Variants in CMIP observed in about 807,000 individuals in gnomAD.
CMIP encodes the protein c-Maf inducing protein.
In CMIP, 13 loss-of-function variants were observed where a neutral mutation model predicts 97.3. The ratio of observed to expected loss-of-function variants is 0.13; its 90% confidence interval spans 0.09 to 0.21. CMIP has a LOEUF of 0.21. Among genes scored for constraint, CMIP ranks in the 10% least tolerant of loss-of-function variants. The probability of loss-of-function intolerance (pLI) is 1.00; values close to 1 mark genes in which losing one functional copy is unlikely to be tolerated. For synonymous variants in CMIP, 538 were observed against 436.3 expected, an observed-to-expected ratio of 1.23 and a Z score of -2.91; for missense variants, 847 against 1,024.9, an observed-to-expected ratio of 0.83 and a Z score of 2.37.
At chr16:81,685,703 C>G (rs1905305736) in intron 10 of CMIP, among the ~76,000 whole-genome samples, 1 of 150,208 alleles carries the variant, frequency 6.7e-6, no homozygotes, top group Non-Finnish European at 1.5e-5. Context: ...CACCACCTGC[C>G]TGGCTTACTT....
chr16:81,485,735 A>C (rs1272300340), intron 1 of CMIP, among the ~76,000 whole-genome samples: 3 of 152,246 alleles, frequency 2.0e-5, no homozygotes, highest in African/African-American at 7.2e-5. Context: ...ATGTGAGTAC[A>C]ATTTTTCATA....
At chr16:81,448,178 A>G (rs1016548172) in intron 1 of CMIP, among the ~76,000 whole-genome samples, 1 of 151,700 alleles carries the variant, frequency 6.6e-6, no homozygotes, top group South Asian at 2.1e-4. Context: ...CTTACTTGAA[A>G]TATCAGTCAT....
chr16:81,523,640 G>A (rs1184811534), intron 1 of CMIP, among the ~76,000 whole-genome samples: 1 of 152,146 alleles, frequency 6.6e-6, no homozygotes, highest in Non-Finnish European at 1.5e-5. Context: ...CCCCCTTCCC[G>A]CGAAAAGCCA....
intron 17 of CMIP, among the ~76,000 whole-genome samples, chr16:81,703,588 T>C (rs1385148959): frequency 6.8e-6 from 1 of 147,870 alleles, no homozygotes; most frequent in Non-Finnish European, 1.5e-5. Flanking sequence ...CACACAGATA[T>C]ACACACATAC....
At chr16:81,588,610 A>T (rs578007975) in intron 1 of CMIP, among the ~76,000 whole-genome samples, 19 of 152,062 alleles carry the variant, frequency 1.2e-4, no homozygotes, top group Non-Finnish European at 2.4e-4. Context: ...AAAACCCAAC[A>T]TCCTCGTTCT....
chr16:81,516,781 C>G (rs1483208779), intron 1 of CMIP, among the ~76,000 whole-genome samples: 1 of 152,240 alleles, frequency 6.6e-6, no homozygotes, highest in Non-Finnish European at 1.5e-5. Flanking sequence ...ATCTAGGCAT[C>G]TGTCCTCAGG....
intron 1 of CMIP, among the ~76,000 whole-genome samples, chr16:81,575,495 A>C (rs2091173262): frequency 6.6e-6 from 1 of 152,184 alleles, no homozygotes; most frequent in Admixed American, 6.5e-5. Context: ...TAGAGCAGTG[A>C]TCCAGGCCCC....
intron 10 of CMIP, among the ~76,000 whole-genome samples, chr16:81,688,276 G>A (rs1197429439): frequency 2.0e-5 from 3 of 152,224 alleles, no homozygotes; most frequent in African/African-American, 7.2e-5. Flanking sequence ...TTTCATGAAA[G>A]GGTTAAGTGA....
At chr16:81,525,279 G>C (rs942945619) in intron 1 of CMIP, among the ~76,000 whole-genome samples, 21 of 151,812 alleles carry the variant, frequency 1.4e-4, no homozygotes, top group African/African-American at 4.8e-4. Flanking sequence ...AAGTAGCTGG[G>C]GTTACAGGCA....
chr16:81,674,218 C>T (rs555049376), intron 9 of CMIP, among the ~76,000 whole-genome samples: 1 of 152,240 alleles, frequency 6.6e-6, no homozygotes, highest in Non-Finnish European at 1.5e-5. Flanking sequence ...CTGCTCATTC[C>T]CAAGGGCATG....
In CMIP at chr16:81,678,646, G is replaced by A. The variant is rs752304291; in HGVS notation, c.1388+18G>A. On this transcript the variant is annotated intron_variant, in intron 10 of 20. Transcript: ENST00000537098. The stretch of plus-strand genomic sequence containing the variant: ...AAGCTGCTGTGAGTGCCCCCCCCGC[G>A]TGCCCGCCCCCGGGGCCGGTGGGAG... The A allele has an allele frequency of 1.7e-5, 22 of 1,274,410 alleles. No homozygotes were observed. The highest frequency in any genetic ancestry group is 1.7e-4 in the Admixed American group (9 of 54,236). 78.9% of individuals were successfully genotyped at this position (1,274,410 alleles called of 1,614,324 possible).
At chr16:81,636,854 C>A (rs1241524052) in intron 3 of CMIP, among the ~76,000 whole-genome samples, 2 of 136,928 alleles carry the variant, frequency 1.5e-5, no homozygotes, top group African/African-American at 2.6e-5. Flanking sequence ...CCACCCCCCA[C>A]CCCCTGAAGC....
intron 1 of CMIP, among the ~76,000 whole-genome samples, chr16:81,534,473 C>CT (rs1250469534): frequency 2.0e-5 from 3 of 152,178 alleles, no homozygotes; most frequent in Non-Finnish European, 2.9e-5. Context: ...TACTCTCCAA[C>CT]TTTTTTTGTT....
rs189586501 is a variant in CMIP, at chr16:81,670,775, C to T, written c.929+530C>T. Among the ~76,000 whole-genome samples, 237 of 152,160 alleles carry T rather than the reference C, an allele frequency of 1.6e-3. 1 individual carries two copies. Among genetic ancestry groups the T allele is most frequent in the African/African-American group, 5.2e-3 (214 of 41,520 alleles). On this transcript the variant is annotated intron_variant, in intron 8 of 20. Coordinates refer to ENST00000537098, the MANE Select transcript of CMIP (RefSeq NM_198390.3). ...GAGACACAACACATGGAGAATGCTG[C>T]GGAAGTCTCGTGTCAGGCCGAGGTG...
At chr16:81,632,248 G>T (rs1159927393) in intron 3 of CMIP, among the ~76,000 whole-genome samples, 1 of 152,148 alleles carries the variant, frequency 6.6e-6, no homozygotes, top group Non-Finnish European at 1.5e-5. Flanking sequence ...ACGTACATAG[G>T]TGGTAGTCCT....
chr16:81,580,682 C>T (rs113103543), intron 1 of CMIP, among the ~76,000 whole-genome samples: 12,130 of 151,808 alleles, frequency 0.08, 1,068 homozygotes, highest in African/African-American at 0.22. Context: ...GTGATCCACC[C>T]GTCTTCGCCT....
chr16:81,621,680 T>A lies in CMIP; in HGVS notation c.477+754T>A. ...GGCCCCACAGCGGGTATGGCTGGAA[T>A]GACCAGTGTGTCATAAGCTGTCATC... On this transcript the variant is annotated intron_variant, in intron 3 of 20. Transcript: ENST00000537098. This position sits in a 1 kb window ranked among gnomAD's most constrained non-coding sequence, Gnocchi z 4.1. The A allele has an allele frequency of 6.5e-6, 1 of 152,868 alleles. No homozygotes were observed. The allele number at this position is 152,868 out of a possible 1,614,324, so 9.5% of individuals were successfully genotyped here. A position where few individuals can be genotyped will look rare whatever the true frequency, so the allele number is the denominator to read the frequency against.
chr16:81,686,003 G>T (rs73600464), intron 10 of CMIP, among the ~76,000 whole-genome samples: 1 of 152,200 alleles, frequency 6.6e-6, no homozygotes, highest in Non-Finnish European at 1.5e-5. Context: ...GCTCTCACCA[G>T]CTGTGTGGCC....
rs2091926750 is a variant in CMIP, at chr16:81,616,943, G to C, written c.427-3933G>C. 6.5e-6 allele frequency: 1 copy of C among 152,816 alleles called. No individual in the cohort carries two copies. The highest frequency in any genetic ancestry group is 1.5e-5 in the Non-Finnish European group (1 of 68,512). 9.5% of individuals were successfully genotyped at this position (152,816 alleles called of 1,614,324 possible). On this transcript the variant is annotated intron_variant, in intron 2 of 20. Coordinates refer to ENST00000537098, the MANE Select transcript of CMIP (RefSeq NM_198390.3). The surrounding 1 kb of genome is among the most constrained non-coding windows in gnomAD (Gnocchi z 4.7). ...ACAGGGGGCGTGGCCAGGCCAGGCA[G>C]CTGGGGCCCAGGAGGAGAGATCTGT...
Sources: allele counts gnomAD v4.1 joint callset (sites outside exome capture counted in the v4.1 genomes callset), GRCh38; gene constraint gnomAD v4.1.1; non-coding constraint Gnocchi (gnomAD v3.1); transcripts MANE v1.5; gene names NCBI Gene and HGNC (gene_info 2026-07-23, HGNC 2026-07-21).